WDFY3: variants seen among roughly 807,000 people sequenced by gnomAD.
WDFY3 encodes the protein WD repeat and FYVE domain-containing protein 3.
In WDFY3, 66 loss-of-function variants were observed where a neutral mutation model predicts 409.6. The ratio of observed to expected loss-of-function variants is 0.16; its 90% CI spans 0.13 to 0.20. The LOEUF (loss-of-function observed/expected upper bound fraction) is 0.20. Ranked by LOEUF, WDFY3 falls within the 10% of genes least tolerant of loss-of-function variation. The pLI is 1.00. For missense variants in WDFY3, 3,031 were observed against 4,298.1 expected (o/e 0.71, Z 8.24); for synonymous variants, 1,521 against 1,537.1 (o/e 0.99, Z 0.25).
intron 2 of WDFY3, among the ~76,000 whole-genome samples, chr4:84,906,165 T>G (rs1341794547): frequency 1.3e-5 from 2 of 152,228 alleles, no homozygotes; most frequent in Admixed American, 1.3e-4. Flanking sequence ...GTTAGGAATA[T>G]TAGACTAAAA....
At chr4:84,759,181 G>C (rs1358039787) in intron 32 of WDFY3, among the ~76,000 whole-genome samples, 5 of 152,174 alleles carry the variant, frequency 3.3e-5, no homozygotes, top group African/African-American at 1.2e-4. Context: ...TTTGGCACCA[G>C]TACCTTGCTG....
At chr4:84,738,912 C>A in intron 40 of WDFY3, 98 bp downstream of exon 40, 1 of 1,231,804 alleles carries the variant, frequency 8.1e-7, no homozygotes, top group Non-Finnish European at 1.2e-6. Flanking sequence ...GAGTTGCTAT[C>A]AATGCTGGCA....
chr4:84,715,257 C>A (rs770262739), intron 50 of WDFY3, 41 bp downstream of exon 50: 3 of 1,167,332 alleles, frequency 2.6e-6, no homozygotes, highest in African/African-American at 1.6e-5. Context: ...CCTCCCATAT[C>A]TTCCCATAAT....
chr4:84,934,141 A>T (rs1411123565), intron 1 of WDFY3, among the ~76,000 whole-genome samples: 1 of 152,086 alleles, frequency 6.6e-6, no homozygotes, highest in East Asian at 1.9e-4. Flanking sequence ...TCCTATCAAC[A>T]GTGTACGAGG....
intron 15 of WDFY3, among the ~76,000 whole-genome samples, chr4:84,807,636 C>G (rs1412095234): frequency 6.6e-6 from 1 of 152,184 alleles, no homozygotes; most frequent in Non-Finnish European, 1.5e-5. Context: ...TTGGGGCCAA[C>G]TGCAGACCAT....
chr4:84,887,990 A>G (rs1764450295), intron 3 of WDFY3, among the ~76,000 whole-genome samples: 2 of 152,232 alleles, frequency 1.3e-5, no homozygotes, highest in Non-Finnish European at 2.9e-5. Flanking sequence ...GGGTGTAACC[A>G]GATTGGTGAC....
In WDFY3 at chr4:84,798,044, A is replaced by G. The variant is rs1749817840; in HGVS notation, c.2887T>C (p.Tyr963His). The change falls in exon 18 of 68, where the codon TAT becomes CAT. Residue 963 changes from tyrosine to histidine, a missense_variant. Tyr to His is a moderately conservative substitution (Grantham distance 83, BLOSUM62 2). Coordinates refer to ENST00000295888, the MANE Select transcript of WDFY3 (RefSeq NM_014991.6). ...AGTGAACTTGGTTTGTGGACCCTAT[A>G]TTGTTTTAGCAGTTTTTTGTCCCAG... is the stretch of plus-strand genomic sequence containing the variant. ...GAWDKKLLKQ[Y>H]RVHKPSSLSY... 6.2e-7 allele frequency: 1 copy of G among 1,613,450 alleles called. No homozygotes were observed. The highest frequency in any genetic ancestry group is 1.3e-5 in the African/African-American group (1 of 74,904).
chr4:84,783,862 T>TACATAC lies in WDFY3; in HGVS notation c.4063-789_4063-788insGTATGT, dbSNP rs1747002012. 2.1e-5 allele frequency among the ~76,000 whole-genome samples: 3 copies of TACATAC among 140,938 alleles called. No homozygotes were observed. In the South Asian group the frequency reaches 6.8e-4, roughly 32 times the overall value. The allele number at this position is 140,938 out of a possible 152,430, so 92.5% of individuals were successfully genotyped here. A position where few individuals can be genotyped will look rare whatever the true frequency, so the allele number is the denominator to read the frequency against. On this transcript the variant is annotated intron_variant, in intron 24 of 67. Coordinates refer to ENST00000295888, the MANE Select transcript of WDFY3 (RefSeq NM_014991.6). ...CTTAGATATGTATATGTGTCATACA[T>TACATAC]ACACACACACACACACACACACACA...
At chr4:84,838,583 G>A (rs548888655) in intron 6 of WDFY3, among the ~76,000 whole-genome samples, 39 of 152,216 alleles carry the variant, frequency 2.6e-4, no homozygotes, top group African/African-American at 7.2e-4. Context: ...AGATGGGGCC[G>A]GAACTAATGC....
intron 18 of WDFY3, among the ~76,000 whole-genome samples, chr4:84,797,595 T>TA (rs200048517): frequency 3.7e-4 from 56 of 150,946 alleles, no homozygotes; most frequent in Non-Finnish European, 6.5e-4. Flanking sequence ...TTTATTTATT[T>TA]TTTGAGACGG....
intron 44 of WDFY3, among the ~76,000 whole-genome samples, chr4:84,727,998 A>G (rs1735944808): frequency 2.0e-5 from 3 of 152,176 alleles, no homozygotes; most frequent in African/African-American, 4.8e-5. Context: ...TAATAAAATA[A>G]AAGTATTTTA....
At chr4:84,918,588 G>A (rs2150826393) in intron 2 of WDFY3, among the ~76,000 whole-genome samples, 1 of 152,038 alleles carries the variant, frequency 6.6e-6, no homozygotes, top group Non-Finnish European at 1.5e-5. Context: ...TGTTTTTAGT[G>A]ATATACGTGA....
Position 84,821,560 on chromosome 4 carries a change from G to A in WDFY3, c.1124-9C>T. On this transcript the variant is annotated splice_polypyrimidine_tract_variant and intron_variant, in intron 10 of 67. Transcript: ENST00000295888. The stretch of plus-strand genomic sequence containing the variant: ...GTTTCTCACACTGTGACCTAGAACA[G>A]AAAAGAAAAACATAAAAGTAGGTAC... The A allele has an allele frequency of 6.3e-7, 1 of 1,590,770 alleles. No homozygotes were observed. Among genetic ancestry groups the A allele is most frequent in the Non-Finnish European group, 8.5e-7 (1 of 1,170,252 alleles).
At chr4:84,942,873 A>AT (rs943004370) in intron 1 of WDFY3, among the ~76,000 whole-genome samples, 72 of 150,856 alleles carry the variant, frequency 4.8e-4, no homozygotes, top group African/African-American at 1.4e-3. Context: ...TAACCTTTTT[A>AT]TTTTTTTTTA....
Position 84,753,896 on chromosome 4 carries a change from G to A in WDFY3, c.5560-20C>T. ...CCAAGGCTGTTATGGGGACATGAGA[G>A]GAAACACTATGTTACAGTTATTGAC... is the stretch of plus-strand genomic sequence containing the variant. On this transcript the variant is annotated intron_variant, in intron 34 of 67. Coordinates refer to ENST00000295888, the MANE Select transcript of WDFY3 (RefSeq NM_014991.6). 1 of 1,553,188 alleles carries A rather than the reference G, an allele frequency of 6.4e-7. No individual in the cohort carries two copies. Among genetic ancestry groups the A allele is most frequent in the Admixed American group, 2.1e-5 (1 of 47,838 alleles).
At chr4:84,882,528 A>G (rs527999522) in intron 3 of WDFY3, among the ~76,000 whole-genome samples, 5 of 152,206 alleles carry the variant, frequency 3.3e-5, no homozygotes, top group Admixed American at 3.3e-4. Context: ...TTATATGTAT[A>G]TTATGTATAT....
At chr4:84,850,472 A>G (rs1202055134) in intron 4 of WDFY3, among the ~76,000 whole-genome samples, 1 of 152,032 alleles carries the variant, frequency 6.6e-6, no homozygotes, top group Non-Finnish European at 1.5e-5. Flanking sequence ...GCATGCCATC[A>G]TGCCTGGCTA....
At position 84,755,306 on chromosome 4, in the gene WDFY3, A is replaced by G. The variant is rs376706945; in HGVS notation, c.5519T>C (p.Val1840Ala). The change falls in exon 34 of 68, where the codon GTT (valine) becomes GCT (alanine). Residue 1840 changes from valine to alanine, a missense_variant. This residue lies in a region of WDFY3 where 342 missense variants were observed against 463.7 expected (regional missense o/e 0.74). Transcript: ENST00000295888. Reference protein sequence around the residue: ...SSIHNVCTEAVFLLLGMLRSM... With the variant: ...SSIHNVCTEAAFLLLGMLRSM... ...GCGGAGCATTCCCAATAATAAAAAAACAGCTTCTGTGCATACGTTATGGAT... is the reference window on the plus strand; with the variant it reads ...GCGGAGCATTCCCAATAATAAAAAAGCAGCTTCTGTGCATACGTTATGGAT... 7.6e-5 allele frequency: 123 copies of G among 1,613,196 alleles called. No homozygotes were observed. The highest frequency in any genetic ancestry group is 2.3e-5 in the Non-Finnish European group (27 of 1,179,824).
chr4:84,726,717 A>C (rs1735715499), intron 45 of WDFY3, 144 bp downstream of exon 45: 1 of 644,636 alleles, frequency 1.6e-6, no homozygotes, highest in African/African-American at 1.9e-5. Flanking sequence ...CCAACGGTTC[A>C]ACTCTAAGGA....
Sources: allele counts gnomAD v4.1 joint callset (sites outside exome capture counted in the v4.1 genomes callset), GRCh38; gene constraint gnomAD v4.1.1; regional missense constraint gnomAD v4.1.1; transcripts MANE v1.5; gene names NCBI Gene and HGNC (gene_info 2026-07-23, HGNC 2026-07-21).